Variants in MTSS1 observed in about 807,000 individuals in gnomAD.
The protein encoded by MTSS1 is MTSS I-BAR domain containing 1, also known as protein MTSS 1.
Under a neutral mutation model 79.0 loss-of-function variants are expected in MTSS1, and 18 were observed. The observed-to-expected ratio is 0.23, with a 90% CI of 0.16 to 0.34. The LOEUF (loss-of-function observed/expected upper bound fraction) is 0.34. Among genes scored for constraint, MTSS1 ranks in the 10% least tolerant of loss-of-function variants. MTSS1 has a pLI of 1.00. For missense variants in MTSS1, 815 were observed against 986.2 expected (o/e 0.83, Z 2.33); for synonymous variants, 341 against 368.6 (o/e 0.93, Z 0.86).
At chr8:124,706,843 C>A (rs146878663) in intron 1 of MTSS1, among the ~76,000 whole-genome samples, 8 of 152,288 alleles carry the variant, frequency 5.3e-5, no homozygotes, top group African/African-American at 1.9e-4. Flanking sequence ...AATTATGACA[C>A]CCAACATACA....
chr8:124,708,226 C>T (rs1235673808), intron 1 of MTSS1, among the ~76,000 whole-genome samples: 4 of 152,222 alleles, frequency 2.6e-5, no homozygotes, highest in Non-Finnish European at 4.4e-5. Flanking sequence ...GTTTAAGTCA[C>T]ATCTTCACAG....
chr8:124,670,277 G>C (rs1035292278), intron 3 of MTSS1, among the ~76,000 whole-genome samples: 24 of 152,146 alleles, frequency 1.6e-4, no homozygotes, highest in African/African-American at 5.8e-4. Context: ...AGAGGGAACA[G>C]CAAATATTGT....
chr8:124,728,053 G>C lies in MTSS1; in HGVS notation c.-98C>G. On this transcript the variant is annotated 5_prime_UTR_variant, in exon 1 of 14. Transcript: ENST00000518547. This position sits in a 1 kb window ranked among gnomAD's most constrained non-coding sequence, Gnocchi z 6.1. ...CCCCAGAAGGAATTTCACCTTCCGA[G>C]AGACCCACCTCGGACTCGCAGCCTC... The C allele has an allele frequency of 1.9e-6, 2 of 1,063,282 alleles. No individual in the cohort carries two copies. Among genetic ancestry groups the C allele is most frequent in the Non-Finnish European group, 2.8e-6 (2 of 719,920 alleles). 65.9% of individuals were successfully genotyped at this position (1,063,282 alleles called of 1,614,324 possible).
At chr8:124,583,021 T>A (rs1563796065) in intron 6 of MTSS1, among the ~76,000 whole-genome samples, 1 of 152,224 alleles carries the variant, frequency 6.6e-6, no homozygotes, top group Non-Finnish European at 1.5e-5. Context: ...AAAATCTTTA[T>A]AAAGGACAGA....
intron 3 of MTSS1, among the ~76,000 whole-genome samples, chr8:124,668,033 A>G (rs1337905787): frequency 3.9e-5 from 6 of 152,040 alleles, no homozygotes; most frequent in Non-Finnish European, 8.8e-5. Flanking sequence ...GGCTGCAGTG[A>G]GCCATGATCG....
chr8:124,568,704 C>T (rs1265584350), intron 6 of MTSS1, 168 bp from the exon 7 acceptor site: 2 of 1,470,258 alleles, frequency 1.4e-6, no homozygotes, highest in Middle Eastern at 1.7e-4. Context: ...TTTCTAGGAC[C>T]AGCCATTTCC....
intron 4 of MTSS1, among the ~76,000 whole-genome samples, chr8:124,590,726 C>G (rs16899806): frequency 2.6e-5 from 4 of 152,204 alleles, no homozygotes; most frequent in African/African-American, 9.7e-5. Flanking sequence ...GGGAAGCTGG[C>G]GGTGTGGAGT....
At position 124,682,392 on chromosome 8, in the gene MTSS1, G is replaced by A. The variant is rs138131051; in HGVS notation, c.208+17134C>T. Among the ~76,000 whole-genome samples the A allele has an allele frequency of 3.1e-4, 47 of 152,282 alleles. 2 individuals carry two copies. The East Asian group carries it at 5.6e-3, about 18-fold the overall frequency. Reference sequence around the variant, plus strand: ...AGTAGCTGGAATCCAAAACTAACACGGCTATCCCTTCAACGCTTCCTCTTC... The same window carrying A: ...AGTAGCTGGAATCCAAAACTAACACAGCTATCCCTTCAACGCTTCCTCTTC... On this transcript the variant is annotated intron_variant, in intron 3 of 13. Transcript: ENST00000518547.
intron 3 of MTSS1, among the ~76,000 whole-genome samples, chr8:124,602,441 T>TC (rs746659167): frequency 6.6e-5 from 10 of 151,526 alleles, no homozygotes; most frequent in Admixed American, 6.6e-5. Context: ...CTCAAGTGAT[T>TC]CCCCCACCTC....
At chr8:124,557,999 A>C in intron 10 of MTSS1, 124 bp from the exon 11 acceptor site, 5 of 739,906 alleles carry the variant, frequency 6.8e-6, no homozygotes, top group Non-Finnish European at 1.1e-5. Flanking sequence ...AAATAAAACA[A>C]ACATTGGGGC....
intron 5 of MTSS1, among the ~76,000 whole-genome samples, chr8:124,585,855 T>C (rs1186619682): frequency 2.6e-5 from 4 of 152,068 alleles, no homozygotes; most frequent in Non-Finnish European, 4.4e-5. Context: ...AAAACCCCTA[T>C]GTGGAAAAGA....
At chr8:124,554,904 T>C (rs2131720425) in intron 13 of MTSS1, among the ~76,000 whole-genome samples, 1 of 152,160 alleles carries the variant, frequency 6.6e-6, no homozygotes, top group South Asian at 2.1e-4. Flanking sequence ...AGTGCAGTGA[T>C]GCAGTCATGG....
intron 3 of MTSS1, among the ~76,000 whole-genome samples, chr8:124,623,839 T>C (rs1231485469): frequency 6.6e-6 from 1 of 152,200 alleles, no homozygotes; most frequent in African/African-American, 2.4e-5. Flanking sequence ...CGGGTTTCAC[T>C]ATGTTGGCCA....
chr8:124,626,216 A>G (rs2133687797), intron 3 of MTSS1, among the ~76,000 whole-genome samples: 1 of 152,352 alleles, frequency 6.6e-6, no homozygotes, highest in South Asian at 2.1e-4. Flanking sequence ...CAGGAGTGGA[A>G]TTATTTCTCA....
intron 3 of MTSS1, among the ~76,000 whole-genome samples, chr8:124,606,747 C>T (rs1174537148): frequency 6.6e-6 from 1 of 151,988 alleles, no homozygotes; most frequent in South Asian, 2.1e-4. Flanking sequence ...ACCGTGCTGT[C>T]GCCACTTCCT....
chr8:124,643,559 G>C (rs1032192414), intron 3 of MTSS1, among the ~76,000 whole-genome samples: 3 of 151,952 alleles, frequency 2.0e-5, no homozygotes, highest in Non-Finnish European at 2.9e-5. Context: ...TTAGCCAGGC[G>C]TGGTGGCACA....
intron 3 of MTSS1, among the ~76,000 whole-genome samples, chr8:124,614,132 C>G (rs1324629914): frequency 1.4e-5 from 2 of 147,930 alleles, no homozygotes; most frequent in Non-Finnish European, 3.0e-5. Context: ...CCACTGCACT[C>G]CAGCCTGGGC....
chr8:124,571,425 C>T (rs1271076025), intron 6 of MTSS1, among the ~76,000 whole-genome samples: 2 of 152,248 alleles, frequency 1.3e-5, no homozygotes, highest in African/African-American at 2.4e-5. Context: ...AGCAGCCAAA[C>T]AGCATGGCCA....
chr8:124,711,973 A>T (rs1214139231), intron 1 of MTSS1, among the ~76,000 whole-genome samples: 1 of 151,046 alleles, frequency 6.6e-6, no homozygotes, highest in African/African-American at 2.4e-5. Context: ...ACGCCACTGC[A>T]CTCCAGCCTA....
Sources: gnomAD v4.1 joint callset for allele counts (sites outside exome capture counted in the v4.1 genomes callset) on GRCh38, gnomAD v4.1.1 for gene constraint, Gnocchi (gnomAD v3.1) non-coding constraint, MANE v1.5 for transcripts, NCBI Gene and HGNC (gene_info 2026-07-23, HGNC 2026-07-21) for gene names.